The following ADH1A variants were observed in gnomAD, a reference collection of about 807,000 sequenced individuals.
The protein encoded by ADH1A is alcohol dehydrogenase 1A (class I), alpha polypeptide.
ADH1A carries 29 observed loss-of-function variants against 35.2 expected under a neutral mutation model. That is an observed-to-expected ratio of 0.82 (90% CI 0.61 to 1.12). ADH1A has a LOEUF of 1.12. Ranked by LOEUF, ADH1A falls within the 50% of genes most tolerant of loss-of-function variation. The pLI, the probability that ADH1A is intolerant of heterozygous loss-of-function variation, is 0.00. For missense variants in ADH1A, 469 were observed against 464.7 expected, an observed-to-expected ratio of 1.01 and a Z score of -0.09; for synonymous variants, 147 against 164.8, an observed-to-expected ratio of 0.89 and a Z score of 0.83.
Position 99,290,018 on chromosome 4 carries a change from G to A in ADH1A, c.18+879C>T, listed in dbSNP as rs528606981. 1.9e-3 allele frequency among the ~76,000 whole-genome samples: 296 copies of A among 152,166 alleles called. 1 individual carries two copies. Among genetic ancestry groups the A allele is most frequent in the African/African-American group, 6.3e-3 (263 of 41,534 alleles). ...CCTTTAAACTGAGTTATCATAGTGAGATATTTTACTGTGTAATACACTCCT... is the reference window on the plus strand; with the variant it reads ...CCTTTAAACTGAGTTATCATAGTGAAATATTTTACTGTGTAATACACTCCT... On this transcript the variant is annotated intron_variant, in intron 1 of 8. Transcript: ENST00000209668.
chr4:99,283,877 G>A (rs578089483), intron 5 of ADH1A, among the ~76,000 whole-genome samples: 3 of 152,276 alleles, frequency 2.0e-5, no homozygotes, highest in African/African-American at 7.2e-5. Flanking sequence ...TCACTGAAGC[G>A]TCATTACTTT....
intron 1 of ADH1A, among the ~76,000 whole-genome samples, chr4:99,287,992 C>A (rs1351162996): frequency 2.0e-5 from 3 of 152,156 alleles, no homozygotes; most frequent in African/African-American, 7.2e-5. Context: ...TGTCTCTTCA[C>A]CCACAATTAT....
chr4:99,283,168 T>G (rs1048501355), intron 5 of ADH1A, among the ~76,000 whole-genome samples: 3 of 152,202 alleles, frequency 2.0e-5, no homozygotes, highest in African/African-American at 7.2e-5. Flanking sequence ...CTTTAAAAAA[T>G]ACACTAGTGA....
chr4:99,281,347 C>T, intron 6 of ADH1A: 1 of 152,140 alleles, frequency 6.6e-6, no homozygotes, highest in East Asian at 1.9e-4. Context: ...GATGTGTTTC[C>T]CATTGCCTTT....
Position 99,276,393 on chromosome 4 carries a change from C to T in ADH1A, c.*231G>A, listed in dbSNP as rs1732868926. On this transcript the variant is annotated 3_prime_UTR_variant, in exon 9 of 9. Coordinates refer to ENST00000209668, the MANE Select transcript of ADH1A (RefSeq NM_000667.4). ...ATGGTTAAGAAGGAAGGTTTATTGG[C>T]TTCAATTCCCCAGCTGATGTTCAAC... 4 of 560,094 alleles carry T rather than the reference C, an allele frequency of 7.1e-6. No homozygotes were observed. Among genetic ancestry groups the T allele is most frequent in the Non-Finnish European group, 1.3e-5 (4 of 317,596 alleles). 34.7% of individuals were successfully genotyped at this position (560,094 alleles called of 1,614,324 possible). A position where few individuals can be genotyped will look rare whatever the true frequency, so the allele number is the denominator to read the frequency against.
rs1402939608 is a variant in ADH1A at position 99,289,459 on chromosome 4, G to A, written c.18+1438C>T. On this transcript the variant is annotated intron_variant, in intron 1 of 8. Coordinates refer to ENST00000209668, the MANE Select transcript of ADH1A (RefSeq NM_000667.4). ...ATCTAGCCTTATGTTTTCACTACTC[G>A]GTGTCAGTAAAAAGTTAGCAAAAAG... Among the ~76,000 whole-genome samples the A allele has an allele frequency of 8.5e-5, 13 of 152,146 alleles. No homozygotes were observed. The East Asian group carries it at 1.2e-3, about 14-fold the overall frequency.
chr4:99,284,718 GT>G lies in ADH1A; in HGVS notation c.344del (p.Asn115ThrfsTer3), dbSNP rs1560518334. ...CAGGGAGAGCATCAGAAACCTACTC[GT>G]TTTTCAAGCAGTAGTTGCTCTCCGG... ...KNPESNYCLK[N>X]DVSNPQGTLQ... On this transcript the variant is annotated frameshift_variant, in exon 4 of 9. Transcript: ENST00000209668. LOFTEE classifies it high-confidence loss of function. 2.5e-6 allele frequency: 4 copies of G among 1,613,994 alleles called. No homozygotes were observed. Among genetic ancestry groups the G allele is most frequent in the Non-Finnish European group, 3.4e-6 (4 of 1,179,916 alleles).
At chr4:99,290,135 T>G (rs1176150373) in intron 1 of ADH1A, among the ~76,000 whole-genome samples, 7 of 152,180 alleles carry the variant, frequency 4.6e-5, no homozygotes, top group Non-Finnish European at 1.0e-4. Context: ...ACATGTATTT[T>G]TGTGCACCTA....
rs370845005 is a variant in ADH1A, at chr4:99,287,523, A to G, written c.120+41T>C. On this transcript the variant is annotated intron_variant, in intron 2 of 8. Coordinates refer to ENST00000209668, the MANE Select transcript of ADH1A (RefSeq NM_000667.4). ...TTGTTTCCGTTTTTTAACTTTTCTG[A>G]GTTTTTAAAACTTAAATACAAATGG... 1.4e-5 allele frequency: 22 copies of G among 1,582,884 alleles called. No homozygotes were observed. The African/African-American group carries it at 2.6e-4, about 19-fold the overall frequency.
intron 5 of ADH1A, among the ~76,000 whole-genome samples, chr4:99,283,002 C>G (rs1245536661): frequency 1.3e-5 from 2 of 152,100 alleles, no homozygotes; most frequent in Admixed American, 1.3e-4. Flanking sequence ...CCTTGATAGC[C>G]AGCTTCAGTA....
intron 1 of ADH1A, among the ~76,000 whole-genome samples, chr4:99,290,176 G>A (rs1733259249): frequency 6.6e-6 from 1 of 152,114 alleles, no homozygotes; most frequent in Admixed American, 6.5e-5. Context: ...GATATTTATG[G>A]AAGGCAAAAC....
At chr4:99,288,538 T>G (rs957399147) in intron 1 of ADH1A, 16 of 152,210 alleles carry the variant, frequency 1.1e-4, no homozygotes, top group Admixed American at 9.2e-4. Flanking sequence ...TGGTTAAGCA[T>G]GTACAATTCA....
rs3805324 is a variant in ADH1A, at chr4:99,283,417, G to A, written c.568-811C>T. On this transcript the variant is annotated intron_variant, in intron 5 of 8. Coordinates refer to ENST00000209668, the MANE Select transcript of ADH1A (RefSeq NM_000667.4). Reference sequence around the variant, plus strand: ...CTCCCATAGTCCGCCTTCATTTTGCGTAACATGCTCTTCCTGTTCCAAATA... The same window carrying A: ...CTCCCATAGTCCGCCTTCATTTTGCATAACATGCTCTTCCTGTTCCAAATA... 4.7e-3 allele frequency among the ~76,000 whole-genome samples: 721 copies of A among 152,224 alleles called. 48 individuals carry two copies. The East Asian group carries it at 0.13, about 27-fold the overall frequency.
Position 99,287,007 on chromosome 4 carries a change from A to G in ADH1A, c.121-19T>C, listed in dbSNP as rs1174803348. ...CCACCATCTACAGAGTGAAGAGAAGATGTTTATAAAAGATTGTGAGTCTCA... is the reference window on the plus strand; with the variant it reads ...CCACCATCTACAGAGTGAAGAGAAGGTGTTTATAAAAGATTGTGAGTCTCA... On this transcript the variant is annotated intron_variant, in intron 2 of 8. Transcript: ENST00000209668. The G allele has an allele frequency of 6.2e-7, 1 of 1,601,894 alleles. No homozygotes were observed. Among genetic ancestry groups the G allele is most frequent in the Non-Finnish European group, 8.5e-7 (1 of 1,176,396 alleles).
intron 5 of ADH1A, among the ~76,000 whole-genome samples, chr4:99,282,869 G>A (rs1733042636): frequency 6.6e-6 from 1 of 152,170 alleles, no homozygotes; most frequent in African/African-American, 2.4e-5. Flanking sequence ...AGCTCTGCAG[G>A]TGGAACTTAG....
At chr4:99,285,401 C>T (rs1023158611) in intron 3 of ADH1A, among the ~76,000 whole-genome samples, 2 of 152,040 alleles carry the variant, frequency 1.3e-5, no homozygotes, top group South Asian at 2.1e-4. Context: ...AAATTTCAAC[C>T]CTCCACAATA....
intron 2 of ADH1A, 160 bp from the exon 3 acceptor site, chr4:99,287,148 C>T: frequency 2.2e-6 from 2 of 901,922 alleles, no homozygotes; most frequent in South Asian, 1.8e-5. Context: ...TCAAGGTTGA[C>T]CAGGCTGAAA....
At chr4:99,285,815 G>A (rs1022130003) in intron 3 of ADH1A, among the ~76,000 whole-genome samples, 1 of 151,950 alleles carries the variant, frequency 6.6e-6, no homozygotes, top group African/African-American at 2.4e-5. Flanking sequence ...GAGGTCAGGA[G>A]ATCGAGACCA....
In ADH1A at chr4:99,288,359, A is replaced by ATG. The variant is rs1384272333; in HGVS notation, c.19-696_19-695dup. 6.5e-5 allele frequency among the ~76,000 whole-genome samples: 8 copies of ATG among 122,890 alleles called. No individual in the cohort carries two copies. The East Asian group carries it at 8.1e-4, about 12-fold the overall frequency. The allele number at this position is 122,890 out of a possible 152,430, so 80.6% of individuals were successfully genotyped here. A position where few individuals can be genotyped will look rare whatever the true frequency, so the allele number is the denominator to read the frequency against. ...TGGGTGTGTGTGTGTGTGTGTGTGTATGTGTGTGTGTGTATACACTCAGAC... is the reference window on the plus strand; with the variant it reads ...TGGGTGTGTGTGTGTGTGTGTGTGTATGTGTGTGTGTGTGTATACACTCAGAC... On this transcript the variant is annotated intron_variant, in intron 1 of 8. Coordinates refer to ENST00000209668, the MANE Select transcript of ADH1A (RefSeq NM_000667.4).
Sources: gnomAD v4.1 joint callset for allele counts (sites outside exome capture counted in the v4.1 genomes callset) on GRCh38, gnomAD v4.1.1 for gene constraint, MANE v1.5 for transcripts, NCBI Gene and HGNC (gene_info 2026-07-23, HGNC 2026-07-21) for gene names.